Variants in ARHGAP24 observed in about 807,000 individuals in gnomAD.
ARHGAP24 encodes rho GTPase-activating protein 24.
In ARHGAP24, 50 loss-of-function variants were observed where a neutral mutation model predicts 76.4. The observed-to-expected ratio is 0.65, with a 90% CI of 0.52 to 0.83. The LOEUF is 0.83. Among genes scored for constraint, ARHGAP24 ranks in the 40% least tolerant of loss-of-function variants. The pLI is 0.00. For synonymous variants in ARHGAP24, 345 were observed against 323.3 expected (o/e 1.07, Z -0.72); for missense variants, 930 against 914.2 (o/e 1.02, Z -0.22).
At chr4:85,921,545 T>TA (rs1560719030) in intron 3 of ARHGAP24, among the ~76,000 whole-genome samples, 20 of 134,078 alleles carry the variant, frequency 1.5e-4, no homozygotes, top group African/African-American at 5.3e-4. Flanking sequence ...AAAAGTTTTT[T>TA]TAAAAAAAAA....
At chr4:85,825,917 C>T (rs1729691939) in intron 3 of ARHGAP24, among the ~76,000 whole-genome samples, 1 of 152,144 alleles carries the variant, frequency 6.6e-6, no homozygotes, top group Non-Finnish European at 1.5e-5. Context: ...AACTCTAGAC[C>T]ATGCAGATCT....
chr4:85,717,079 ATATC>A (rs1361206486), intron 2 of ARHGAP24, among the ~76,000 whole-genome samples: 1 of 152,064 alleles, frequency 6.6e-6, no homozygotes, highest in Non-Finnish European at 1.5e-5. Context: ...CAAACAGAGA[ATATC>A]TATCGTATTT....
intron 3 of ARHGAP24, among the ~76,000 whole-genome samples, chr4:85,771,102 A>C (rs1042324295): frequency 1.3e-5 from 2 of 152,226 alleles, no homozygotes; most frequent in Non-Finnish European, 2.9e-5. Context: ...GGGAGACTAC[A>C]CACTATATCT....
At chr4:85,827,519 T>TTAG (rs1729781525) in intron 3 of ARHGAP24, among the ~76,000 whole-genome samples, 20 of 124,744 alleles carry the variant, frequency 1.6e-4, no homozygotes, top group Non-Finnish European at 3.5e-4. Flanking sequence ...TGTGTGTGTT[T>TTAG]AGAGAGAGAG....
chr4:85,695,848 A>G (rs1723846708), intron 2 of ARHGAP24, among the ~76,000 whole-genome samples: 1 of 152,200 alleles, frequency 6.6e-6, no homozygotes, highest in African/African-American at 2.4e-5. Context: ...TCAAATCCAC[A>G]GTACATATGG....
chr4:85,899,487 C>G (rs2148789207), intron 3 of ARHGAP24, among the ~76,000 whole-genome samples: 1 of 152,162 alleles, frequency 6.6e-6, no homozygotes, highest in Non-Finnish European at 1.5e-5. Context: ...AACAGAATCA[C>G]CAAGGACAAA....
In ARHGAP24 at chr4:85,942,060, T is replaced by G; in HGVS notation, c.392-6T>G. ...CCCAAGTTTACTGTGATCCTTTTTT[T>G]TTAAGGCATTTTTGGACAGAAACTG... On this transcript the variant is annotated splice_region_variant and splice_polypyrimidine_tract_variant and intron_variant, in intron 4 of 9. Transcript: ENST00000395184. The G allele has an allele frequency of 6.2e-7, 1 of 1,613,434 alleles. No homozygotes were observed. Among genetic ancestry groups the G allele is most frequent in the Non-Finnish European group, 8.5e-7 (1 of 1,179,860 alleles).
At chr4:85,828,379 A>G (rs1297265421) in intron 3 of ARHGAP24, among the ~76,000 whole-genome samples, 1 of 152,178 alleles carries the variant, frequency 6.6e-6, no homozygotes, top group East Asian at 1.9e-4. Flanking sequence ...CTTTACCCAC[A>G]TTTTAGTGGT....
intron 1 of ARHGAP24, among the ~76,000 whole-genome samples, chr4:85,510,598 T>C (rs1434577669): frequency 7.2e-6 from 1 of 139,398 alleles, no homozygotes; most frequent in Non-Finnish European, 1.6e-5. Flanking sequence ...CTCTCCCCCT[T>C]GTCTTCCCCG....
At chr4:85,946,387 T>C (rs1578418983) in intron 5 of ARHGAP24, among the ~76,000 whole-genome samples, 1 of 152,350 alleles carries the variant, frequency 6.6e-6, no homozygotes, top group East Asian at 1.9e-4. Flanking sequence ...AGGTATACTG[T>C]ATGATGCTGA....
intron 1 of ARHGAP24, among the ~76,000 whole-genome samples, chr4:85,522,568 A>G (rs17010334): frequency 0.054 from 8,278 of 152,260 alleles, 689 homozygotes; most frequent in African/African-American, 0.18. Flanking sequence ...TTATTTGGTC[A>G]GATACTTTGC....
At position 85,978,408 on chromosome 4, in the gene ARHGAP24, T is replaced by C. The variant is rs980422571; in HGVS notation, c.928+717T>C. On this transcript the variant is annotated intron_variant, in intron 8 of 9. Transcript: ENST00000395184. Reference sequence around the variant, plus strand: ...TTACTACCTGATACCGTTCCTTTCCTTAAAATTCCAATATTTTCATTTTTT... The same window carrying C: ...TTACTACCTGATACCGTTCCTTTCCCTAAAATTCCAATATTTTCATTTTTT... Among the ~76,000 whole-genome samples the C allele has an allele frequency of 6.6e-5, 10 of 152,334 alleles. No individual in the cohort carries two copies. The East Asian group carries it at 1.9e-3, about 29-fold the overall frequency.
intron 3 of ARHGAP24, among the ~76,000 whole-genome samples, chr4:85,858,945 GA>G (rs34696028): frequency 2.7e-4 from 41 of 149,610 alleles, no homozygotes; most frequent in South Asian, 1.5e-3. Context: ...ATGGTACTCA[GA>G]AAAAAAAAAT....
chr4:85,894,006 A>G (rs1578354532), intron 3 of ARHGAP24, among the ~76,000 whole-genome samples: 1 of 144,388 alleles, frequency 6.9e-6, no homozygotes, highest in South Asian at 2.3e-4. Context: ...GCTAGATGAC[A>G]CGTTAGTGGG....
At chr4:85,649,031 G>T (rs200994128) in intron 2 of ARHGAP24, among the ~76,000 whole-genome samples, 25 of 107,434 alleles carry the variant, frequency 2.3e-4, no homozygotes, top group Admixed American at 5.5e-4. Context: ...GTGTGTGTGT[G>T]TGTGTTTGTG....
chr4:85,926,316 C>A (rs1736021576), intron 4 of ARHGAP24, among the ~76,000 whole-genome samples: 1 of 152,176 alleles, frequency 6.6e-6, no homozygotes, highest in African/African-American at 2.4e-5. Context: ...ATAATAGAAA[C>A]AATGCTTCAA....
In ARHGAP24 at chr4:85,920,108, A is replaced by C. The variant is rs147853236; in HGVS notation, c.269-3540A>C. Among the ~76,000 whole-genome samples, 897 of 152,280 alleles carry C rather than the reference A, an allele frequency of 5.9e-3. 27 individuals are homozygous for C. The highest frequency in any genetic ancestry group is 0.048 in the Admixed American group (740 of 15,296). ...TAGAACATCCCTGTTACTATTGACT[A>C]ATTGTTCTCAAACACTTATTAGATT... On this transcript the variant is annotated intron_variant, in intron 3 of 9. Transcript: ENST00000395184.
intron 2 of ARHGAP24, among the ~76,000 whole-genome samples, chr4:85,624,562 C>T (rs993382775): frequency 1.2e-4 from 18 of 152,248 alleles, no homozygotes; most frequent in Admixed American, 3.9e-4. Context: ...TTGGTTGTGT[C>T]TCTGCCCAGC....
intron 2 of ARHGAP24, among the ~76,000 whole-genome samples, chr4:85,684,240 G>T (rs1013182114): frequency 7.8e-4 from 118 of 151,984 alleles, no homozygotes; most frequent in Non-Finnish European, 8.5e-4. Flanking sequence ...TCCATTTTCT[G>T]CACATCTTTG....
Sources: allele counts gnomAD v4.1 joint callset (sites outside exome capture counted in the v4.1 genomes callset), GRCh38; gene constraint gnomAD v4.1.1; transcripts MANE v1.5; gene names NCBI Gene and HGNC (gene_info 2026-07-23, HGNC 2026-07-21).